CLDN2: variants seen among roughly 807,000 people sequenced by gnomAD.
The protein encoded by CLDN2 is claudin 2.
A neutral mutation model predicts 8.2 loss-of-function variants in CLDN2; 1 was observed. That is an observed-to-expected ratio of 0.12 (90% CI 0.04 to 0.58). The LOEUF (loss-of-function observed/expected upper bound fraction) is 0.58. Ranked by LOEUF, CLDN2 falls within the 20% of genes least tolerant of loss-of-function variation. The probability of loss-of-function intolerance (pLI) is 0.90; values close to 1 mark genes in which losing one functional copy is unlikely to be tolerated. For synonymous variants in CLDN2, 70 were observed against 70.2 expected, an observed-to-expected ratio of 1.00 and a Z score of 0.01; for missense variants, 108 against 172.9, an observed-to-expected ratio of 0.62 and a Z score of 2.11.
chrX:106,901,128 G>A (rs887732392), intron 1 of CLDN2, among the ~76,000 whole-genome samples: 14 of 112,078 alleles, frequency 1.2e-4, no homozygotes, highest in African/African-American at 4.5e-4. Context: ...TGGTTGGGTC[G>A]GGGGCCAGCC....
chrX:106,918,727 C>T (rs1377291723), upstream of CLDN2, among the ~76,000 whole-genome samples: 1 of 111,767 alleles, frequency 8.9e-6, no homozygotes, highest in Admixed American at 9.5e-5. Flanking sequence ...GTGGCCTTAT[C>T]ATTTGTACAT....
chrX:106,930,012 C>T lies in CLDN2; in HGVS notation c.*1091C>T, dbSNP rs1933527525. On this transcript the variant is annotated 3_prime_UTR_variant, in exon 2 of 2. Coordinates refer to ENST00000336803, the MANE Select transcript of CLDN2 (RefSeq NM_020384.4). ...GCTCCAGTGGGTGTTTCTACTCTGCCAGTGAGAGGCAGCCCCCTAGAAACT... is the reference window on the plus strand; with the variant it reads ...GCTCCAGTGGGTGTTTCTACTCTGCTAGTGAGAGGCAGCCCCCTAGAAACT... 8.1e-6 allele frequency: 1 copy of T among 122,868 alleles called. No individual in the cohort carries two copies. The highest frequency in any genetic ancestry group is 1.9e-5 in the Non-Finnish European group (1 of 53,160). The allele number at this position is 122,868 out of a possible 1,213,427, so 10.1% of individuals were successfully genotyped here.
At chrX:106,911,925 A>G (rs542434228) in intron 1 of CLDN2, among the ~76,000 whole-genome samples, 7 of 111,664 alleles carry the variant, frequency 6.3e-5, no homozygotes, top group African/African-American at 2.3e-4. Flanking sequence ...TTCTCTGTTC[A>G]TATTGGGGCC....
chrX:106,912,342 T>C (rs1933257004), intron 1 of CLDN2, among the ~76,000 whole-genome samples: 1 of 110,372 alleles, frequency 9.1e-6, no homozygotes, highest in Non-Finnish European at 1.9e-5. Context: ...TGAAGTGCAA[T>C]TGTCATGAGG....
intron 1 of CLDN2, among the ~76,000 whole-genome samples, chrX:106,925,458 A>G (rs763186893): frequency 1.2e-4 from 14 of 112,547 alleles, no homozygotes; most frequent in Non-Finnish European, 2.3e-4. Flanking sequence ...GCATGATTGA[A>G]GAACTGGAAG....
At chrX:106,923,018 C>T (rs1341836856) in intron 1 of CLDN2, among the ~76,000 whole-genome samples, 2 of 102,251 alleles carry the variant, frequency 2.0e-5, no homozygotes, top group Non-Finnish European at 3.9e-5. Flanking sequence ...CTCTATCGCT[C>T]AGGCTGGAGT....
chrX:106,914,576 AAAG>A (rs1933289454), upstream of CLDN2, among the ~76,000 whole-genome samples: 1 of 111,827 alleles, frequency 8.9e-6, no homozygotes, highest in Non-Finnish European at 1.9e-5. Flanking sequence ...GCCAGACATT[AAAG>A]AGATTTGCAA....
At chrX:106,913,862 G>A (rs748488741), upstream of CLDN2, among the ~76,000 whole-genome samples, 23 of 109,398 alleles carry the variant, frequency 2.1e-4, no homozygotes, top group Admixed American at 4.9e-4. Context: ...TCCTTCTTAC[G>A]CAGCTCTCTC....
upstream of CLDN2, among the ~76,000 whole-genome samples, chrX:106,914,067 C>A (rs1933282319): frequency 9.4e-6 from 1 of 106,929 alleles, no homozygotes. Context: ...ATTCTCCTGC[C>A]TCAGGCTCCC....
At chrX:106,919,248 G>A (rs1160833520), upstream of CLDN2, among the ~76,000 whole-genome samples, 1 of 111,402 alleles carries the variant, frequency 9.0e-6, no homozygotes, top group Admixed American at 9.6e-5. Context: ...ACATCAAAAT[G>A]TTAGCAATGA....
chrX:106,914,593 T>C (rs1002385586), upstream of CLDN2, among the ~76,000 whole-genome samples: 1 of 111,812 alleles, frequency 8.9e-6, no homozygotes, highest in African/African-American at 3.2e-5. Context: ...TTTGCAAATA[T>C]TGAATATAAT....
upstream of CLDN2, among the ~76,000 whole-genome samples, chrX:106,916,640 G>A (rs1199468686): frequency 9.0e-6 from 1 of 111,705 alleles, no homozygotes; most frequent in Non-Finnish European, 1.9e-5. Flanking sequence ...GATACAATGA[G>A]GGTCAGAGAA....
chrX:106,910,795 T>C (rs1252382833), intron 1 of CLDN2, among the ~76,000 whole-genome samples: 1 of 111,221 alleles, frequency 9.0e-6, no homozygotes, highest in Non-Finnish European at 1.9e-5. Context: ...CAAGAAGCTA[T>C]TGAGAGGTTT....
At chrX:106,912,407 T>TC (rs1933258024) in intron 1 of CLDN2, among the ~76,000 whole-genome samples, 3 of 98,366 alleles carry the variant, frequency 3.0e-5, no homozygotes, top group African/African-American at 4.2e-5. Flanking sequence ...TTTATGGAAC[T>TC]CTTTTTTTTT....
intron 1 of CLDN2, among the ~76,000 whole-genome samples, chrX:106,907,318 G>A (rs1197376638): frequency 1.8e-5 from 2 of 111,908 alleles, no homozygotes; most frequent in African/African-American, 6.5e-5. Context: ...ACAGTCCACA[G>A]AACAGGCTGG....
chrX:106,910,598 T>C (rs1255616438), intron 1 of CLDN2, among the ~76,000 whole-genome samples: 1 of 109,558 alleles, frequency 9.1e-6, no homozygotes, highest in Non-Finnish European at 1.9e-5. Context: ...GTAATCCTGG[T>C]TACTCGGGAG....
At chrX:106,920,980 G>C (rs1442299185) in intron 1 of CLDN2, among the ~76,000 whole-genome samples, 1 of 111,374 alleles carries the variant, frequency 9.0e-6, no homozygotes, top group Non-Finnish European at 1.9e-5. Flanking sequence ...GGGTTCCTAA[G>C]TGAAGTCATA....
rs1197923613 is a variant in CLDN2 at position 106,928,402 on chromosome X, C to T, written c.174C>T (p.Ser58=). The T allele has an allele frequency of 8.3e-7, 1 of 1,212,077 alleles. No individual in the cohort carries two copies. The highest frequency in any genetic ancestry group is 1.1e-6 in the Non-Finnish European group (1 of 895,538). ...TCTGGATGGAATGTGCCACACACAG[C>T]ACAGGCATCACCCAGTGTGACATCT... ...KGLWMECATH[S]TGITQCDIYS... The change falls in exon 2 of 2, where the codon AGC becomes AGT. Residue 58 remains serine, a synonymous_variant. Transcript: ENST00000336803.
chrX:106,918,914 G>C (rs1023591692), upstream of CLDN2, among the ~76,000 whole-genome samples: 11 of 111,729 alleles, frequency 9.8e-5, no homozygotes, highest in African/African-American at 2.6e-4. Context: ...TCTTATTTTT[G>C]TAACATGTTG....
Sources: gnomAD v4.1 joint callset for allele counts (sites outside exome capture counted in the v4.1 genomes callset) on GRCh38, gnomAD v4.1.1 for gene constraint, MANE v1.5 for transcripts, NCBI Gene and HGNC (gene_info 2026-07-23, HGNC 2026-07-21) for gene names.